FBN2: variants seen among roughly 807,000 people sequenced by gnomAD.
The protein encoded by FBN2 is fibrillin-2.
In FBN2, 105 loss-of-function variants were observed where a neutral mutation model predicts 355.6. The observed-to-expected ratio is 0.30, with a 90% confidence interval of 0.25 to 0.35. The LOEUF (loss-of-function observed/expected upper bound fraction) is 0.35. Ranked by LOEUF, FBN2 falls within the 10% of genes least tolerant of loss-of-function variation. The probability of loss-of-function intolerance (pLI) is 1.00; values close to 1 mark genes in which losing one functional copy is unlikely to be tolerated. For synonymous variants in FBN2, 1,350 were observed against 1,301.2 expected (o/e 1.04, Z -0.81); for missense variants, 3,280 against 3,758.7 (o/e 0.87, Z 3.33).
At chr5:128,386,508 A>AT (rs1306999632) in intron 11 of FBN2, among the ~76,000 whole-genome samples, 2 of 152,056 alleles carry the variant, frequency 1.3e-5, no homozygotes, top group South Asian at 2.1e-4. Flanking sequence ...TATTCAGGCC[A>AT]TTTTTTTGGT....
intron 6 of FBN2, among the ~76,000 whole-genome samples, chr5:128,449,445 A>ACAG (rs1754175787): frequency 1.8e-5 from 2 of 111,244 alleles, no homozygotes; most frequent in African/African-American, 4.3e-5. Context: ...GTATAATTAT[A>ACAG]TAGTATACTA....
At chr5:128,263,798 T>G in intron 62 of FBN2, 142 bp from the exon 63 acceptor site, 2 of 640,002 alleles carry the variant, frequency 3.1e-6, no homozygotes, top group South Asian at 4.1e-5. Flanking sequence ...ACGACTGATT[T>G]GCAAAGCACG....
chr5:128,516,480 A>G (rs1350095278), intron 5 of FBN2, among the ~76,000 whole-genome samples: 1 of 151,964 alleles, frequency 6.6e-6, no homozygotes, highest in Non-Finnish European at 1.5e-5. Context: ...GACTCAAGTT[A>G]AATACCATAA....
At chr5:128,368,434 ACACATATATACATATAT>A (rs1751834298) in intron 16 of FBN2, among the ~76,000 whole-genome samples, 1 of 135,792 alleles carries the variant, frequency 7.4e-6, no homozygotes. Context: ...ATATATATAT[ACACATATATACATATAT>A]ATACACATAT....
chr5:128,527,970 G>T lies in FBN2; in HGVS notation c.437-3C>A. 1 of 1,599,746 alleles carries T rather than the reference G, an allele frequency of 6.3e-7. No individual in the cohort carries two copies. Among genetic ancestry groups the T allele is most frequent in the Non-Finnish European group, 8.6e-7 (1 of 1,167,536 alleles). ...GCATCTCACACTGCACTGCTGAACTGCAAAGAGCAATAACAAAAAGTATAA... is the reference window on the plus strand; with the variant it reads ...GCATCTCACACTGCACTGCTGAACTTCAAAGAGCAATAACAAAAAGTATAA... On this transcript the variant is annotated splice_region_variant and splice_polypyrimidine_tract_variant and intron_variant, in intron 3 of 64. Transcript: ENST00000262464.
intron 33 of FBN2, among the ~76,000 whole-genome samples, chr5:128,330,221 G>A (rs1750655357): frequency 6.6e-6 from 1 of 152,196 alleles, no homozygotes; most frequent in African/African-American, 2.4e-5. Flanking sequence ...TTCACTTACA[G>A]TTACAGGCAA....
chr5:128,523,239 G>A (rs1177985065), intron 4 of FBN2, among the ~76,000 whole-genome samples: 1 of 152,134 alleles, frequency 6.6e-6, no homozygotes, highest in Non-Finnish European at 1.5e-5. Context: ...ATGTTAACAA[G>A]AGGAAAGAAA....
intron 62 of FBN2, among the ~76,000 whole-genome samples, chr5:128,271,549 C>A (rs948939243): frequency 6.6e-6 from 1 of 152,194 alleles, no homozygotes; most frequent in African/African-American, 2.4e-5. Flanking sequence ...TAAAACACTT[C>A]CCATCCTTTA....
chr5:128,452,564 T>C (rs1754281093), intron 6 of FBN2, among the ~76,000 whole-genome samples: 1 of 152,192 alleles, frequency 6.6e-6, no homozygotes, highest in Non-Finnish European at 1.5e-5. Context: ...ATGGAAAATA[T>C]GTGCAGTATT....
intron 5 of FBN2, among the ~76,000 whole-genome samples, chr5:128,482,797 A>T (rs554159315): frequency 6.6e-6 from 1 of 152,084 alleles, no homozygotes; most frequent in Non-Finnish European, 1.5e-5. Flanking sequence ...TCTAGTAAAG[A>T]TTTTTTTATC....
chr5:128,375,671 T>C (rs1246701033), intron 14 of FBN2, among the ~76,000 whole-genome samples: 1 of 152,188 alleles, frequency 6.6e-6, no homozygotes, highest in African/African-American at 2.4e-5. Context: ...GGTACTTAGA[T>C]TAAGTTTGTG....
At chr5:128,333,839 T>TCACACACACACACACA (rs368334500) in intron 31 of FBN2, among the ~76,000 whole-genome samples, 79 of 122,952 alleles carry the variant, frequency 6.4e-4, no homozygotes, top group South Asian at 9.7e-4. Flanking sequence ...GATGCTGAAA[T>TCACACACACACACACA]CACACACACA....
chr5:128,448,399 C>A (rs1185065938), intron 6 of FBN2, among the ~76,000 whole-genome samples: 2 of 151,934 alleles, frequency 1.3e-5, no homozygotes, highest in Non-Finnish European at 2.9e-5. Context: ...CTCCACCTCC[C>A]AGGTTCAAGC....
intron 15 of FBN2, among the ~76,000 whole-genome samples, chr5:128,373,822 G>A (rs1344082008): frequency 6.6e-6 from 1 of 152,036 alleles, no homozygotes; most frequent in Non-Finnish European, 1.5e-5. Context: ...GGATCAATTT[G>A]ACAAAAATAA....
intron 6 of FBN2, among the ~76,000 whole-genome samples, chr5:128,456,672 C>T (rs1236702508): frequency 6.6e-6 from 1 of 151,954 alleles, no homozygotes; most frequent in Non-Finnish European, 1.5e-5. Flanking sequence ...CTGAAGTGAA[C>T]CCCCAGCAAA....
rs779579749 is a variant in FBN2 at position 128,350,889 on chromosome 5, G to A, written c.2791C>T (p.Pro931Ser). Residue 931 changes from proline (P) to serine (S), a missense_variant, in exon 21 of 65, where the codon CCC becomes TCC. Pro to Ser is a moderately conservative substitution (Grantham distance 74). Around this residue, in one of 6 missense-constraint regions of FBN2, gnomAD observed 2,284 missense variants for 2,749.5 expected, o/e 0.83. Transcript: ENST00000262464. The part of the protein sequence containing the change: ...CATLGAAWGS[P>S]CERCELDTAC... Reference sequence around the variant, plus strand: ...CTACCTAGTTCACACCGCTCACAGGGGCTCCCCCAGGCGGCTCCGAGGGTG... The same window carrying A: ...CTACCTAGTTCACACCGCTCACAGGAGCTCCCCCAGGCGGCTCCGAGGGTG... 1 of 1,614,120 alleles carries A rather than the reference G, an allele frequency of 6.2e-7. No homozygotes were observed. The highest frequency in any genetic ancestry group is 8.5e-7 in the Non-Finnish European group (1 of 1,180,034).
At chr5:128,351,896 A>G (rs1293866027) in intron 20 of FBN2, among the ~76,000 whole-genome samples, 1 of 151,812 alleles carries the variant, frequency 6.6e-6, no homozygotes, top group Non-Finnish European at 1.5e-5. Flanking sequence ...AACATACTAT[A>G]ACAACATGAT....
chr5:128,289,788 T>A, intron 51 of FBN2, 94 bp downstream of exon 51: 2 of 755,448 alleles, frequency 2.6e-6, no homozygotes, highest in Admixed American at 2.1e-5. Context: ...ATACTATATG[T>A]TACATAGTAA....
In FBN2 at chr5:128,533,100, T is replaced by C. The variant is rs566112523; in HGVS notation, c.338-2407A>G. ...ACTGTGATGTTAAGATAAAAATATTTTAGGCAAGAATATGTTTCCTGCCAT... is the reference window on the plus strand; with the variant it reads ...ACTGTGATGTTAAGATAAAAATATTCTAGGCAAGAATATGTTTCCTGCCAT... On this transcript the variant is annotated intron_variant, in intron 2 of 64. Transcript: ENST00000262464. Among the ~76,000 whole-genome samples the C allele has an allele frequency of 2.0e-5, 3 of 152,356 alleles. No homozygotes were observed. In the South Asian group the frequency reaches 6.2e-4, roughly 32 times the overall value.
Sources: gnomAD v4.1 joint callset for allele counts (sites outside exome capture counted in the v4.1 genomes callset) on GRCh38, gnomAD v4.1.1 for gene constraint, gnomAD v4.1.1 regional missense constraint, MANE v1.5 for transcripts, NCBI Gene and HGNC (gene_info 2026-07-23, HGNC 2026-07-21) for gene names.